The following PTPMT1 variants were observed in gnomAD, a reference collection of about 807,000 sequenced individuals.
PTPMT1 encodes the protein phosphatidylglycerophosphatase and protein-tyrosine phosphatase 1.
A neutral mutation model predicts 17.8 loss-of-function variants in PTPMT1; 12 were observed. That is an observed-to-expected ratio of 0.67 (90% CI 0.43 to 1.09). PTPMT1 has a LOEUF of 1.09. Ranked by LOEUF, PTPMT1 falls within the 50% of genes least tolerant of loss-of-function variation. PTPMT1 has a pLI of 0.00. For synonymous variants in PTPMT1, 132 were observed against 116.8 expected (o/e 1.13, Z -0.84); for missense variants, 262 against 266.0 (o/e 0.99, Z 0.10).
At chr11:47,569,109 G>GGT (rs2097248040) in intron 2 of PTPMT1, among the ~76,000 whole-genome samples, 1 of 152,240 alleles carries the variant, frequency 6.6e-6, no homozygotes, top group African/African-American at 2.4e-5. Context: ...TTTACCTGCT[G>GGT]GTGTGGTGGC....
At chr11:47,569,983 A>G in intron 3 of PTPMT1, 92 bp downstream of exon 3, 1 of 1,041,468 alleles carries the variant, frequency 9.6e-7, no homozygotes, top group Non-Finnish European at 1.4e-6. Flanking sequence ...GCTTGAGCCC[A>G]GGAGTTTGAG....
Position 47,572,849 on chromosome 11 carries a change from C to T in PTPMT1, c.*1220C>T, listed in dbSNP as rs544324731. Reference sequence around the variant, plus strand: ...CTAGTATGTGCCAAAAAAAACATAACTCTGAATTGGGGCCCAGGGGACTTT... The same window carrying T: ...CTAGTATGTGCCAAAAAAAACATAATTCTGAATTGGGGCCCAGGGGACTTT... On this transcript the variant is annotated 3_prime_UTR_variant, in exon 4 of 4. Coordinates refer to ENST00000326674, the MANE Select transcript of PTPMT1 (RefSeq NM_175732.3). 9.5e-5 allele frequency: 139 copies of T among 1,464,458 alleles called. No individual in the cohort carries two copies. Among genetic ancestry groups the T allele is most frequent in the Non-Finnish European group, 1.2e-4 (134 of 1,082,068 alleles). 90.7% of individuals were successfully genotyped at this position (1,464,458 alleles called of 1,614,324 possible).
intron 3 of PTPMT1, among the ~76,000 whole-genome samples, chr11:47,570,186 CAAAA>C (rs548462674): frequency 6.0e-4 from 51 of 85,550 alleles, no homozygotes; most frequent in African/African-American, 2.1e-3. Flanking sequence ...GAAACTGTCT[CAAAA>C]AAAAAAAAAA....
Position 47,572,826 on chromosome 11 carries a change from A to T in PTPMT1, c.*1197A>T. 7.9e-7 allele frequency: 1 copy of T among 1,258,036 alleles called. No individual in the cohort carries two copies. The allele number at this position is 1,258,036 out of a possible 1,614,324, so 77.9% of individuals were successfully genotyped here. A position where few individuals can be genotyped will look rare whatever the true frequency, so the allele number is the denominator to read the frequency against. On this transcript the variant is annotated 3_prime_UTR_variant, in exon 4 of 4. Coordinates refer to ENST00000326674, the MANE Select transcript of PTPMT1 (RefSeq NM_175732.3). ...GGAAGGGCTGAGGCACTGCCTTTCT[A>T]GTATGTGCCAAAAAAAACATAACTC...
In PTPMT1 at chr11:47,571,486, C is replaced by A. The variant is rs770894757; in HGVS notation, c.463C>A (p.Pro155Thr). Residue 155 changes from proline (P) to threonine (T), a missense_variant, in exon 4 of 4, where the codon CCA becomes ACA. Coordinates refer to ENST00000326674, the MANE Select transcript of PTPMT1 (RefSeq NM_175732.3). ...AYLIQVHKWS[P>T]EEAVRAIAKI... Reference sequence around the variant, plus strand: ...TGTACTTCAGGTGCACAAATGGAGTCCAGAGGAGGCTGTAAGAGCCATCGC... The same window carrying A: ...TGTACTTCAGGTGCACAAATGGAGTACAGAGGAGGCTGTAAGAGCCATCGC... 1.9e-5 allele frequency: 31 copies of A among 1,613,800 alleles called. No homozygotes were observed. The highest frequency in any genetic ancestry group is 1.6e-4 in the Middle Eastern group (1 of 6,062).
chr11:47,570,798 C>G (rs956871753), intron 3 of PTPMT1, among the ~76,000 whole-genome samples: 2 of 152,154 alleles, frequency 1.3e-5, no homozygotes, highest in Non-Finnish European at 2.9e-5. Flanking sequence ...GTCTGGCTCC[C>G]ACAGAGCATT....
intron 2 of PTPMT1, 76 bp from the exon 3 acceptor site, chr11:47,569,624 T>G (rs2097248392): frequency 1.7e-6 from 2 of 1,184,616 alleles, no homozygotes; most frequent in Non-Finnish European, 2.4e-6. Context: ...CTTTGCTGCT[T>G]CTTGGGAGCC....
At chr11:47,570,210 G>T (rs2097248802) in intron 3 of PTPMT1, among the ~76,000 whole-genome samples, 3 of 122,516 alleles carry the variant, frequency 2.4e-5, no homozygotes, top group East Asian at 2.5e-4. Context: ...AAAAAAAAAA[G>T]TCTTTCTGGT....
In PTPMT1 at chr11:47,571,494, G is replaced by A. The variant is rs761043821; in HGVS notation, c.471G>A (p.Glu157=). 49 of 1,613,884 alleles carry A rather than the reference G, an allele frequency of 3.0e-5. No individual in the cohort carries two copies. Among genetic ancestry groups the A allele is most frequent in the Middle Eastern group, 3.3e-4 (2 of 6,072 alleles). Residue 157 remains glutamate (E), a synonymous_variant, in exon 4 of 4, where the codon GAG becomes GAA. Coordinates refer to ENST00000326674, the MANE Select transcript of PTPMT1 (RefSeq NM_175732.3). Reference sequence around the variant, plus strand: ...AGGTGCACAAATGGAGTCCAGAGGAGGCTGTAAGAGCCATCGCCAAGATCC... The same window carrying A: ...AGGTGCACAAATGGAGTCCAGAGGAAGCTGTAAGAGCCATCGCCAAGATCC... The part of the protein sequence containing the change: ...LIQVHKWSPE[E]AVRAIAKIRS...
chr11:47,567,988 C>T (rs1273707035), intron 2 of PTPMT1, among the ~76,000 whole-genome samples: 7 of 151,882 alleles, frequency 4.6e-5, no homozygotes, highest in African/African-American at 7.3e-5. Flanking sequence ...GGCACGATCT[C>T]GGCTCACTGC....
chr11:47,572,792 TG>T lies in PTPMT1; in HGVS notation c.*1165del. On this transcript the variant is annotated 3_prime_UTR_variant, in exon 4 of 4. Coordinates refer to ENST00000326674, the MANE Select transcript of PTPMT1 (RefSeq NM_175732.3). ...AAAAGCCCCAAACAGAACACCTCCA[TG>T]GATTCAGGGAAGGGCTGAGGCACTG... is the stretch of plus-strand genomic sequence containing the variant. The T allele has an allele frequency of 1.1e-6, 1 of 895,714 alleles. No individual in the cohort carries two copies. Among genetic ancestry groups the T allele is most frequent in the Non-Finnish European group, 1.7e-6 (1 of 597,056 alleles). The allele number at this position is 895,714 out of a possible 1,614,324, so 55.5% of individuals were successfully genotyped here. A position where few individuals can be genotyped will look rare whatever the true frequency, so the allele number is the denominator to read the frequency against.
In PTPMT1 at chr11:47,569,565, C is replaced by T. The variant is rs527299657; in HGVS notation, c.256-135C>T. On this transcript the variant is annotated intron_variant, in intron 2 of 3. Transcript: ENST00000326674. ...TGTAAGAAGTTTCTATTTTAGAAAA[C>T]AGGCAACAGTGTATTCCCATTGTAG... The T allele has an allele frequency of 5.1e-5, 29 of 568,900 alleles. No homozygotes were observed. The South Asian group carries it at 9.6e-4, about 19-fold the overall frequency. 35.2% of individuals were successfully genotyped at this position (568,900 alleles called of 1,614,324 possible).
Position 47,573,264 on chromosome 11 carries a change from T to C in PTPMT1, c.*1635T>C. 1 of 1,614,108 alleles carries C rather than the reference T, an allele frequency of 6.2e-7. No individual in the cohort carries two copies. Among genetic ancestry groups the C allele is most frequent in the Non-Finnish European group, 8.5e-7 (1 of 1,180,014 alleles). ...CACATAGGGCTTCACATGGCATTTG[T>C]CTGTCTCTGTGTCAAAGCACTGGAT... On this transcript the variant is annotated 3_prime_UTR_variant, in exon 4 of 4. Coordinates refer to ENST00000326674, the MANE Select transcript of PTPMT1 (RefSeq NM_175732.3). The surrounding 1 kb of genome is among the most constrained non-coding windows in gnomAD (Gnocchi z 4.1).
intron 3 of PTPMT1, among the ~76,000 whole-genome samples, chr11:47,570,096 A>G (rs578076623): frequency 4.0e-5 from 6 of 149,348 alleles, no homozygotes; most frequent in Non-Finnish European, 7.4e-5. Flanking sequence ...GGAGGCTGAG[A>G]TGGATCACCG....
chr11:47,565,859 G>C, intron 1 of PTPMT1, 47 bp from the exon 2 acceptor site: 1 of 1,609,398 alleles, frequency 6.2e-7, no homozygotes, highest in South Asian at 1.1e-5. Flanking sequence ...CTGTCGGGCC[G>C]CTGGGGTCTC....
In PTPMT1 at chr11:47,572,866, G is replaced by C. The variant is rs1426773316; in HGVS notation, c.*1237G>C. ...AAACATAACTCTGAATTGGGGCCCA[G>C]GGGACTTTGAGTTTGTATGGGGAGG... On this transcript the variant is annotated 3_prime_UTR_variant, in exon 4 of 4. Transcript: ENST00000326674. 1 of 1,533,112 alleles carries C rather than the reference G, an allele frequency of 6.5e-7. No homozygotes were observed. The highest frequency in any genetic ancestry group is 8.8e-7 in the Non-Finnish European group (1 of 1,131,826). The allele number at this position is 1,533,112 out of a possible 1,614,324, so 95.0% of individuals were successfully genotyped here. A position where few individuals can be genotyped will look rare whatever the true frequency, so the allele number is the denominator to read the frequency against.
rs2097250909 is a variant in PTPMT1 at position 47,572,528 on chromosome 11, A to G, written c.*899A>G. 5.6e-6 allele frequency: 1 copy of G among 178,764 alleles called. No homozygotes were observed. Among genetic ancestry groups the G allele is most frequent in the South Asian group, 1.5e-4 (1 of 6,646 alleles). 11.1% of individuals were successfully genotyped at this position (178,764 alleles called of 1,614,324 possible). A position where few individuals can be genotyped will look rare whatever the true frequency, so the allele number is the denominator to read the frequency against. ...ACACCTAATTCTTTGTGGAAAAATG[A>G]TCAACTAGCCATTTCACAGGCTATA... On this transcript the variant is annotated 3_prime_UTR_variant, in exon 4 of 4. Transcript: ENST00000326674.
chr11:47,573,291 A>G lies in PTPMT1; in HGVS notation c.*1662A>G, dbSNP rs752474032. The stretch of plus-strand genomic sequence containing the variant: ...TGTCTCTGTGTCAAAGCACTGGATG[A>G]GTCGGGAAGGTTTGGTAAAGAAGTC... On this transcript the variant is annotated 3_prime_UTR_variant, in exon 4 of 4. Transcript: ENST00000326674. The surrounding 1 kb of genome is among the most constrained non-coding windows in gnomAD (Gnocchi z 4.1). 1 of 1,614,138 alleles carries G rather than the reference A, an allele frequency of 6.2e-7. No individual in the cohort carries two copies. Among genetic ancestry groups the G allele is most frequent in the African/African-American group, 1.3e-5 (1 of 75,018 alleles).
In PTPMT1 at chr11:47,569,784, G is replaced by A; in HGVS notation, c.340G>A (p.Gly114Arg). Residue 114 changes from glycine (G) to arginine (R), a missense_variant, in exon 3 of 4, where the codon GGA becomes AGA. Coordinates refer to ENST00000326674, the MANE Select transcript of PTPMT1 (RefSeq NM_175732.3). ...CCCCACCTTGGACAACCTCCAGAAGGGAGTCCAATTTGCTCTCAAGTACCA... is the reference window on the plus strand; with the variant it reads ...CCCCACCTTGGACAACCTCCAGAAGAGAGTCCAATTTGCTCTCAAGTACCA... ...GIPTLDNLQKGVQFALKYQSL... is the reference protein window; with the variant it reads ...GIPTLDNLQKRVQFALKYQSL... 6.2e-7 allele frequency: 1 copy of A among 1,614,096 alleles called. No individual in the cohort carries two copies. Among genetic ancestry groups the A allele is most frequent in the South Asian group, 1.1e-5 (1 of 91,080 alleles).
Sources: allele counts gnomAD v4.1 joint callset (sites outside exome capture counted in the v4.1 genomes callset), GRCh38; gene constraint gnomAD v4.1.1; non-coding constraint Gnocchi (gnomAD v3.1); transcripts MANE v1.5; gene names NCBI Gene and HGNC (gene_info 2026-07-23, HGNC 2026-07-21).